C10orf53: variants seen among roughly 807,000 people sequenced by gnomAD.
C10orf53 encodes UPF0728 protein C10orf53.
C10orf53 carries 8 observed loss-of-function variants against 9.4 expected under a neutral mutation model. That is an observed-to-expected ratio of 0.85 (90% CI 0.50 to 1.53). The LOEUF is 1.53. Among genes scored for constraint, C10orf53 ranks in the 40% most tolerant of loss-of-function variants. The pLI is 0.00. For synonymous variants in C10orf53, 48 were observed against 46.0 expected, an observed-to-expected ratio of 1.04 and a Z score of -0.18; for missense variants, 117 against 117.8, an observed-to-expected ratio of 0.99 and a Z score of 0.03.
chr10:49,698,150 T>C (rs1840651704), downstream of C10orf53, among the ~76,000 whole-genome samples: 1 of 152,040 alleles, frequency 6.6e-6, no homozygotes, highest in East Asian at 1.9e-4. Context: ...ATTAGCTGAG[T>C]GCAGTGGCAT....
In C10orf53 at chr10:49,694,602, A is replaced by T; in HGVS notation, c.282A>T (p.Ter94CysextTer79). The T allele has an allele frequency of 6.2e-7, 1 of 1,614,190 alleles. No individual in the cohort carries two copies. Among genetic ancestry groups the T allele is most frequent in the African/African-American group, 1.3e-5 (1 of 75,038 alleles). Reference sequence around the variant, plus strand: ...GGATAGCCGTGCTGAATGCCTACTGATCTCCTCATGGAACAGGCATCTCAA... The same window carrying T: ...GGATAGCCGTGCTGAATGCCTACTGTTCTCCTCATGGAACAGGCATCTCAA... ...KARIAVLNAY[*>C] The change falls in exon 3 of 3, where the codon TGA becomes TGT. Residue 94 changes from the stop codon to cysteine (C), a stop_lost. Transcript: ENST00000374111.
At chr10:49,707,752 T>C (rs1256278947) in intron 2 of C10orf53, among the ~76,000 whole-genome samples, 1 of 152,162 alleles carries the variant, frequency 6.6e-6, no homozygotes, top group Non-Finnish European at 1.5e-5. Context: ...GGAAGCCAGG[T>C]AGCACGCCGC....
At chr10:49,700,451 G>A (rs1473648623), downstream of C10orf53, among the ~76,000 whole-genome samples, 1 of 152,224 alleles carries the variant, frequency 6.6e-6, no homozygotes, top group Non-Finnish European at 1.5e-5. Context: ...ACCCAGACCA[G>A]GGAAATGGGA....
At chr10:49,685,470 C>T (rs1213616771) in intron 1 of C10orf53, among the ~76,000 whole-genome samples, 1 of 152,092 alleles carries the variant, frequency 6.6e-6, no homozygotes, top group Non-Finnish European at 1.5e-5. Context: ...ACAATGGGTT[C>T]ATCAAGACTT....
intron 1 of C10orf53, among the ~76,000 whole-genome samples, chr10:49,686,133 G>T (rs1840526118): frequency 1.3e-5 from 2 of 152,138 alleles, no homozygotes; most frequent in South Asian, 4.1e-4. Flanking sequence ...AGATGTCATG[G>T]ACATTTATCA....
chr10:49,700,802 C>T (rs1564508474), downstream of C10orf53, among the ~76,000 whole-genome samples: 1 of 152,162 alleles, frequency 6.6e-6, no homozygotes, highest in Non-Finnish European at 1.5e-5. Context: ...TGAATCCAGG[C>T]AGTGTGGACT....
intron 2 of C10orf53, among the ~76,000 whole-genome samples, chr10:49,707,020 T>C (rs1201162093): frequency 6.6e-6 from 1 of 152,178 alleles, no homozygotes; most frequent in Non-Finnish European, 1.5e-5. Flanking sequence ...TGTTGTTTGA[T>C]TTTTTTACAA....
chr10:49,704,156 CAT>C (rs1840706304), intron 2 of C10orf53, among the ~76,000 whole-genome samples: 1 of 152,042 alleles, frequency 6.6e-6, no homozygotes, highest in Non-Finnish European at 1.5e-5. Flanking sequence ...AACCCAAAGA[CAT>C]AGAAGAAAAA....
At chr10:49,691,731 G>T (rs554721013) in intron 1 of C10orf53, among the ~76,000 whole-genome samples, 1 of 152,210 alleles carries the variant, frequency 6.6e-6, no homozygotes, top group African/African-American at 2.4e-5. Flanking sequence ...GATGCCACGT[G>T]AGGCTCAGTC....
chr10:49,691,518 C>T (rs1016839109), intron 1 of C10orf53, among the ~76,000 whole-genome samples: 2 of 152,216 alleles, frequency 1.3e-5, no homozygotes, highest in Admixed American at 1.3e-4. Flanking sequence ...CTGTGCTTTG[C>T]AACCCTGTAG....
In C10orf53 at chr10:49,695,819, T is replaced by C. The variant is rs1840629543; in HGVS notation, c.*1217T>C. Reference sequence around the variant, plus strand: ...TTTAAGCATCTCCTTACTGAGAAACTGAGGCTCAAAAGAGATTCTTCCTCC... The same window carrying C: ...TTTAAGCATCTCCTTACTGAGAAACCGAGGCTCAAAAGAGATTCTTCCTCC... On this transcript the variant is annotated 3_prime_UTR_variant, in exon 3 of 3. Transcript: ENST00000374111. The C allele has an allele frequency of 1.3e-5, 2 of 152,246 alleles. No individual in the cohort carries two copies. Among genetic ancestry groups the C allele is most frequent in the Non-Finnish European group, 2.9e-5 (2 of 68,050 alleles). 9.4% of individuals were successfully genotyped at this position (152,246 alleles called of 1,614,324 possible).
Position 49,694,211 on chromosome 10 carries a change from T to C in C10orf53, c.217+318T>C, listed in dbSNP as rs1840612659. 5 of 579,718 alleles carry C rather than the reference T, an allele frequency of 8.6e-6. No individual in the cohort carries two copies. In the South Asian group the frequency reaches 1.2e-4, roughly 14 times the overall value. 35.9% of individuals were successfully genotyped at this position (579,718 alleles called of 1,614,324 possible). On this transcript the variant is annotated intron_variant, in intron 2 of 2. Transcript: ENST00000374111. ...TGTACTTTAATAATATGTATTCTGT[T>C]ATTATTTGCTTTCGAAGCTGCTTTT...
chr10:49,690,766 G>A (rs1269749526), intron 1 of C10orf53, among the ~76,000 whole-genome samples: 3 of 152,218 alleles, frequency 2.0e-5, no homozygotes, highest in African/African-American at 7.2e-5. Flanking sequence ...CCACGTAGCT[G>A]AGACACTCTG....
downstream of C10orf53, among the ~76,000 whole-genome samples, chr10:49,700,761 T>C (rs1195764149): frequency 2.0e-5 from 3 of 152,128 alleles, no homozygotes; most frequent in African/African-American, 7.2e-5. Flanking sequence ...AGCAATGGCC[T>C]TCAGAGTCTC....
intron 2 of C10orf53, among the ~76,000 whole-genome samples, chr10:49,702,781 C>T (rs901604577): frequency 1.3e-5 from 2 of 152,062 alleles, no homozygotes; most frequent in Admixed American, 6.5e-5. Flanking sequence ...GTTTCTCTGG[C>T]GAACCCTGAC....
rs1051813577 is a variant in C10orf53, at chr10:49,694,428, C to T, written c.218-110C>T. On this transcript the variant is annotated intron_variant, in intron 2 of 2. Coordinates refer to ENST00000374111, the MANE Select transcript of C10orf53 (RefSeq NM_001042427.3). ...TATTAAAAACTAGTTAACATTTTAC[C>T]AGCCCATGGCCTTTGAAAATGCACT... is the stretch of plus-strand genomic sequence containing the variant. 4.2e-6 allele frequency: 6 copies of T among 1,416,460 alleles called. No individual in the cohort carries two copies. The East Asian group carries it at 9.2e-5, about 22-fold the overall frequency. 87.7% of individuals were successfully genotyped at this position (1,416,460 alleles called of 1,614,324 possible). A position where few individuals can be genotyped will look rare whatever the true frequency, so the allele number is the denominator to read the frequency against.
chr10:49,684,048 A>T lies in C10orf53; in HGVS notation c.97+4254A>T, dbSNP rs149119050. ...TGTAATGTAAGGGTCCAAATTCATT[A>T]AAAAGATATTCATATGGATATCCAA... On this transcript the variant is annotated intron_variant, in intron 1 of 2. Coordinates refer to ENST00000374111, the MANE Select transcript of C10orf53 (RefSeq NM_001042427.3). 2.0e-3 allele frequency among the ~76,000 whole-genome samples: 307 copies of T among 152,348 alleles called. 3 individuals are homozygous for T. The highest frequency in any genetic ancestry group is 7.0e-3 in the African/African-American group (293 of 41,586).
intron 1 of C10orf53, among the ~76,000 whole-genome samples, chr10:49,681,005 A>C (rs2132872729): frequency 6.6e-6 from 1 of 152,300 alleles, no homozygotes; most frequent in East Asian, 1.9e-4. Context: ...TTGGGAGGTA[A>C]CCCTATCCTA....
intron 1 of C10orf53, among the ~76,000 whole-genome samples, chr10:49,683,183 A>G (rs1394344691): frequency 2.6e-5 from 4 of 152,222 alleles, no homozygotes; most frequent in African/African-American, 7.2e-5. Flanking sequence ...AGCAATGCAC[A>G]AGGATTTCAA....
Sources: allele counts gnomAD v4.1 joint callset (sites outside exome capture counted in the v4.1 genomes callset), GRCh38; gene constraint gnomAD v4.1.1; transcripts MANE v1.5; gene names NCBI Gene and HGNC (gene_info 2026-07-23, HGNC 2026-07-21).